NCKAP5: variants seen among roughly 807,000 people sequenced by gnomAD.
The protein encoded by NCKAP5 is nck-associated protein 5.
Under a neutral mutation model 167.0 loss-of-function variants are expected in NCKAP5, and 92 were observed. That is an observed-to-expected ratio of 0.55 (90% CI 0.47 to 0.66). The LOEUF is 0.66. Among genes scored for constraint, NCKAP5 ranks in the 30% least tolerant of loss-of-function variants. The probability of loss-of-function intolerance (pLI) is 0.00; values close to 1 mark genes in which losing one functional copy is unlikely to be tolerated. For synonymous variants in NCKAP5, 891 were observed against 877.4 expected (o/e 1.02, Z -0.27); for missense variants, 2,378 against 2,315.0 (o/e 1.03, Z -0.56).
chr2:133,440,474 G>T (rs1690763423), intron 3 of NCKAP5, among the ~76,000 whole-genome samples: 1 of 152,002 alleles, frequency 6.6e-6, no homozygotes, highest in South Asian at 2.1e-4. Context: ...ACTTTGGGAG[G>T]CCGAGGAGGG....
At chr2:133,338,488 C>A (rs1031371069) in intron 3 of NCKAP5, among the ~76,000 whole-genome samples, 3 of 152,150 alleles carry the variant, frequency 2.0e-5, no homozygotes, top group African/African-American at 7.2e-5. Flanking sequence ...TCCTATTGCA[C>A]CATCATTAAT....
chr2:132,832,853 T>C (rs1443806866), intron 11 of NCKAP5, among the ~76,000 whole-genome samples: 1 of 152,184 alleles, frequency 6.6e-6, no homozygotes, highest in Admixed American at 6.5e-5. Context: ...CTTTTTTGTA[T>C]ACGGATTTAT....
At chr2:133,270,764 C>T (rs1021897410) in intron 4 of NCKAP5, among the ~76,000 whole-genome samples, 23 of 152,076 alleles carry the variant, frequency 1.5e-4, no homozygotes, top group South Asian at 4.2e-4. Flanking sequence ...TGCTTCCCTC[C>T]GACTGATTGC....
At chr2:133,151,529 A>C (rs866386921) in intron 5 of NCKAP5, among the ~76,000 whole-genome samples, 1 of 152,188 alleles carries the variant, frequency 6.6e-6, no homozygotes, top group Admixed American at 6.5e-5. Flanking sequence ...GCAAGTAAAA[A>C]TATGAAAAGA....
At chr2:132,920,251 A>G (rs58438002) in intron 8 of NCKAP5, among the ~76,000 whole-genome samples, 4,281 of 152,106 alleles carry the variant, frequency 0.028, 168 homozygotes, top group East Asian at 0.18. Context: ...CACCATTTCA[A>G]TCAGATAGTT....
chr2:133,061,130 T>C (rs1055232359), intron 6 of NCKAP5, among the ~76,000 whole-genome samples: 2 of 152,146 alleles, frequency 1.3e-5, no homozygotes, highest in African/African-American at 4.8e-5. Context: ...GCTTCATTAC[T>C]AGACTGTAGA....
chr2:133,653,497 A>G, the NCKAP5 span, among the ~76,000 whole-genome samples: 2 of 152,222 alleles, frequency 1.3e-5, no homozygotes, highest in Non-Finnish European at 2.9e-5. Flanking sequence ...TATAAAAGAA[A>G]CCAGAGTTTT....
rs560102512 is a variant in NCKAP5, at chr2:133,457,753, C to T, written c.69+59705G>A. On this transcript the variant is annotated intron_variant, in intron 3 of 19. Coordinates refer to ENST00000409261, the MANE Select transcript of NCKAP5 (RefSeq NM_207363.3). ...ATCTATTCTTAAAGGGCCAGTTTTT[C>T]TCCCTCTCCCATTTTTTAGAATTAG... is the stretch of plus-strand genomic sequence containing the variant. 5.3e-5 allele frequency among the ~76,000 whole-genome samples: 8 copies of T among 152,220 alleles called. No homozygotes were observed. In the East Asian group the frequency reaches 1.5e-3, roughly 29 times the overall value.
At chr2:132,780,989 G>C (rs1032113024) in intron 15 of NCKAP5, 63 bp downstream of exon 15, 10 of 1,519,516 alleles carry the variant, frequency 6.6e-6, no homozygotes, top group Non-Finnish European at 8.0e-6. Flanking sequence ...GCAAACGGTA[G>C]AAAGACCCCA....
intron 3 of NCKAP5, among the ~76,000 whole-genome samples, chr2:133,412,169 C>T (rs1176753659): frequency 6.6e-6 from 1 of 152,082 alleles, no homozygotes; most frequent in Non-Finnish European, 1.5e-5. Flanking sequence ...GTGATTAGCT[C>T]GCGAGGATAG....
intron 3 of NCKAP5, among the ~76,000 whole-genome samples, chr2:133,497,634 G>A (rs190337261): frequency 1.3e-5 from 2 of 152,316 alleles, no homozygotes; most frequent in Admixed American, 6.5e-5. Context: ...CTTGTCCTGT[G>A]TAACAGAAAG....
At chr2:132,889,898 CA>C (rs1281327043) in intron 8 of NCKAP5, among the ~76,000 whole-genome samples, 1 of 151,926 alleles carries the variant, frequency 6.6e-6, no homozygotes, top group Non-Finnish European at 1.5e-5. Context: ...TAGAAATGAA[CA>C]GGGTTGAGTG....
upstream of NCKAP5, among the ~76,000 whole-genome samples, chr2:133,573,231 A>G (rs1259244837): frequency 6.6e-6 from 1 of 152,230 alleles, no homozygotes; most frequent in African/African-American, 2.4e-5. Flanking sequence ...AAGGAATTCC[A>G]ACAAAGTTCA....
chr2:133,550,934 A>G (rs1324517502), intron 2 of NCKAP5, among the ~76,000 whole-genome samples: 6 of 151,962 alleles, frequency 3.9e-5, no homozygotes, highest in East Asian at 3.9e-4. Context: ...AAAAATCACA[A>G]GCATTCTTAT....
At chr2:133,312,158 C>A (rs984142192) in intron 3 of NCKAP5, among the ~76,000 whole-genome samples, 1 of 152,112 alleles carries the variant, frequency 6.6e-6, no homozygotes, top group Non-Finnish European at 1.5e-5. Flanking sequence ...CTCTTTATAA[C>A]CTCTGTCATA....
At chr2:133,407,306 A>G (rs920512957) in intron 3 of NCKAP5, among the ~76,000 whole-genome samples, 1 of 152,220 alleles carries the variant, frequency 6.6e-6, no homozygotes, top group African/African-American at 2.4e-5. Flanking sequence ...TTCTCTGTAC[A>G]CAATGGAAGC....
intron 7 of NCKAP5, among the ~76,000 whole-genome samples, chr2:132,985,882 T>C (rs1455579085): frequency 7.2e-5 from 11 of 152,156 alleles, no homozygotes; most frequent in Admixed American, 3.9e-4. Flanking sequence ...ATAAAAGCTC[T>C]CAATAAAAAT....
intron 8 of NCKAP5, among the ~76,000 whole-genome samples, chr2:132,892,513 C>G (rs1300263996): frequency 6.6e-6 from 1 of 152,086 alleles, no homozygotes; most frequent in Non-Finnish European, 1.5e-5. Flanking sequence ...GTTTTAGAAG[C>G]CTCACAGAGA....
At chr2:133,610,518 C>T in the NCKAP5 span, among the ~76,000 whole-genome samples, 2 of 152,124 alleles carry the variant, frequency 1.3e-5, no homozygotes, top group African/African-American at 4.8e-5. Context: ...AATTAGTAGC[C>T]TAAGAAGGGG....
Sources: allele counts gnomAD v4.1 joint callset (sites outside exome capture counted in the v4.1 genomes callset), GRCh38; gene constraint gnomAD v4.1.1; transcripts MANE v1.5; gene names NCBI Gene and HGNC (gene_info 2026-07-23, HGNC 2026-07-21).